Variants in IL1RAPL2 observed in about 807,000 individuals in gnomAD.
IL1RAPL2 encodes the protein interleukin 1 receptor accessory protein like 2, also known as X-linked interleukin-1 receptor accessory protein-like 2.
IL1RAPL2 carries 3 observed loss-of-function variants against 44.1 expected under a neutral mutation model. The observed-to-expected ratio is 0.07, with a 90% confidence interval of 0.03 to 0.18. The LOEUF is 0.18. IL1RAPL2 is among the 10% of genes least tolerant of loss of function. The probability of loss-of-function intolerance (pLI) is 1.00; values close to 1 mark genes in which losing one functional copy is unlikely to be tolerated. For missense variants in IL1RAPL2, 391 were observed against 496.4 expected (o/e 0.79, Z 2.02); for synonymous variants, 181 against 178.8 (o/e 1.01, Z -0.10).
intron 5 of IL1RAPL2, among the ~76,000 whole-genome samples, chrX:105,368,981 T>C (rs1436040856): frequency 9.2e-6 from 1 of 109,117 alleles, no homozygotes; most frequent in Non-Finnish European, 1.9e-5. Context: ...TTGGATTGTT[T>C]CATTTAGTTA....
chrX:104,633,361 G>C (rs1044592793), intron 1 of IL1RAPL2, among the ~76,000 whole-genome samples: 2 of 111,695 alleles, frequency 1.8e-5, no homozygotes, highest in Non-Finnish European at 3.8e-5. Context: ...CTCATAAAAT[G>C]AGTTAGGGAG....
rs1446837874 is a variant in IL1RAPL2, at chrX:104,894,665, G to A, written c.82+235670G>A. On this transcript the variant is annotated intron_variant, in intron 2 of 10. Coordinates refer to ENST00000372582, the MANE Select transcript of IL1RAPL2 (RefSeq NM_017416.2). ...GTCATTTAAGGACTTCTCTACATTG[G>A]TTATTCTAGTTAGCCATTCATCTAA... Among the ~76,000 whole-genome samples, 3 of 111,506 alleles carry A rather than the reference G, an allele frequency of 2.7e-5. No homozygotes were observed. In the South Asian group the frequency reaches 1.1e-3, roughly 42 times the overall value.
rs183493945 is a variant in IL1RAPL2, at chrX:105,142,228, G to A, written c.83-53247G>A. Among the ~76,000 whole-genome samples the A allele has an allele frequency of 3.0e-3, 338 of 111,843 alleles. 1 individual carries two copies. Among genetic ancestry groups the A allele is most frequent in the African/African-American group, 0.01 (311 of 30,785 alleles). ...TCCTATATGTGTCCAACACTTTTGC[G>A]AAGAAAAATTGCACCTTTGAAGGGG... is the stretch of plus-strand genomic sequence containing the variant. On this transcript the variant is annotated intron_variant, in intron 2 of 10. Coordinates refer to ENST00000372582, the MANE Select transcript of IL1RAPL2 (RefSeq NM_017416.2).
At chrX:104,806,479 A>G (rs890282311) in intron 2 of IL1RAPL2, among the ~76,000 whole-genome samples, 2 of 112,772 alleles carry the variant, frequency 1.8e-5, no homozygotes, top group African/African-American at 6.4e-5. Context: ...GTGTAGGGAC[A>G]GCAGGTTGGT....
chrX:105,610,567 T>A (rs2037328549), intron 6 of IL1RAPL2, among the ~76,000 whole-genome samples: 1 of 111,706 alleles, frequency 9.0e-6, no homozygotes, highest in South Asian at 3.7e-4. Flanking sequence ...TATATAACAA[T>A]GATTCAATCA....
At chrX:104,777,645 C>T (rs1932741390) in intron 2 of IL1RAPL2, among the ~76,000 whole-genome samples, 1 of 107,946 alleles carries the variant, frequency 9.3e-6, no homozygotes, top group Non-Finnish European at 1.9e-5. Flanking sequence ...AGTGTAATCT[C>T]ACCTCACTGC....
chrX:105,600,297 T>C (rs1235752205), intron 6 of IL1RAPL2, among the ~76,000 whole-genome samples: 1 of 110,749 alleles, frequency 9.0e-6, no homozygotes, highest in Non-Finnish European at 1.9e-5. Context: ...CGTAGTTTTT[T>C]TTCTAATTTA....
intron 2 of IL1RAPL2, among the ~76,000 whole-genome samples, chrX:104,826,567 G>T (rs756420306): frequency 9.0e-6 from 1 of 111,708 alleles, no homozygotes; most frequent in Admixed American, 9.5e-5. Context: ...GCTATGTGGT[G>T]CTGAGAAGAA....
At chrX:104,660,947 T>TACACAC (rs773390188) in intron 2 of IL1RAPL2, among the ~76,000 whole-genome samples, 1 of 92,334 alleles carries the variant, frequency 1.1e-5, no homozygotes, top group Non-Finnish European at 2.0e-5. Context: ...TATATATATA[T>TACACAC]ACACACACAC....
Position 104,740,649 on chromosome X carries a change from C to T in IL1RAPL2, c.82+81654C>T, listed in dbSNP as rs775363419. 6.4e-5 allele frequency among the ~76,000 whole-genome samples: 7 copies of T among 109,979 alleles called. No individual in the cohort carries two copies. In the East Asian group the frequency reaches 8.7e-4, roughly 14 times the overall value. On this transcript the variant is annotated intron_variant, in intron 2 of 10. Coordinates refer to ENST00000372582, the MANE Select transcript of IL1RAPL2 (RefSeq NM_017416.2). ...TATAATTATTGCTCTAAACCTAGTC[C>T]GTTATTTATCGGGGAAACTCAACTC...
intron 5 of IL1RAPL2, among the ~76,000 whole-genome samples, chrX:105,404,719 G>A (rs1011923321): frequency 2.7e-5 from 3 of 111,766 alleles, no homozygotes; most frequent in Non-Finnish European, 3.8e-5. Flanking sequence ...TTCCAGAACT[G>A]ATGATTTGTC....
intron 2 of IL1RAPL2, among the ~76,000 whole-genome samples, chrX:105,050,608 G>A (rs2031906749): frequency 8.9e-6 from 1 of 111,845 alleles, no homozygotes; most frequent in Non-Finnish European, 1.9e-5. Context: ...TTGGGGTGTC[G>A]ATTTTCCTCC....
At chrX:104,906,213 A>G (rs1313481617) in intron 2 of IL1RAPL2, among the ~76,000 whole-genome samples, 5 of 111,416 alleles carry the variant, frequency 4.5e-5, no homozygotes, top group Non-Finnish European at 9.4e-5. Flanking sequence ...GGCTGAGACA[A>G]TGGGGTTTTG....
chrX:104,972,552 A>G (rs1001604967), intron 2 of IL1RAPL2, among the ~76,000 whole-genome samples: 3 of 111,847 alleles, frequency 2.7e-5, no homozygotes, highest in Non-Finnish European at 3.8e-5. Context: ...GGAACTCTCT[A>G]TCTTGGGGAT....
In IL1RAPL2 at chrX:104,975,407, G is replaced by A. The variant is rs141147240; in HGVS notation, c.83-220068G>A. Among the ~76,000 whole-genome samples, 1,634 of 111,821 alleles carry A rather than the reference G, an allele frequency of 0.015. 77 individuals are homozygous for A. In the East Asian group the frequency reaches 0.17, roughly 12 times the overall value. ...CAAGTAATAGATGGCAATATTTGAT[G>A]ACATGCTAAACAAAACACAAGTTGT... On this transcript the variant is annotated intron_variant, in intron 2 of 10. Coordinates refer to ENST00000372582, the MANE Select transcript of IL1RAPL2 (RefSeq NM_017416.2).
intron 2 of IL1RAPL2, among the ~76,000 whole-genome samples, chrX:105,029,834 T>A (rs1453353432): frequency 9.0e-6 from 1 of 111,600 alleles, no homozygotes; most frequent in Non-Finnish European, 1.9e-5. Context: ...CACACTGACT[T>A]CCACAATGGT....
intron 2 of IL1RAPL2, among the ~76,000 whole-genome samples, chrX:104,789,811 A>T (rs1480627315): frequency 8.9e-6 from 1 of 112,554 alleles, no homozygotes; most frequent in Non-Finnish European, 1.9e-5. Context: ...TATCTTTAAC[A>T]GTTACTAATT....
intron 6 of IL1RAPL2, among the ~76,000 whole-genome samples, chrX:105,687,394 A>T (rs899975661): frequency 1.8e-5 from 2 of 111,354 alleles, no homozygotes; most frequent in Admixed American, 1.9e-4. Context: ...GATAAAGGGG[A>T]TATCACCACC....
At chrX:105,200,821 A>C (rs1335008990) in intron 3 of IL1RAPL2, among the ~76,000 whole-genome samples, 1 of 111,117 alleles carries the variant, frequency 9.0e-6, no homozygotes, top group Non-Finnish European at 1.9e-5. Flanking sequence ...CTGAGGTACG[A>C]GAATTGCTTG....
Sources: gnomAD v4.1 joint callset for allele counts (sites outside exome capture counted in the v4.1 genomes callset) on GRCh38, gnomAD v4.1.1 for gene constraint, MANE v1.5 for transcripts, NCBI Gene and HGNC (gene_info 2026-07-23, HGNC 2026-07-21) for gene names.